PRKACB: variants seen among roughly 807,000 people sequenced by gnomAD.
PRKACB encodes the protein protein kinase cAMP-activated catalytic subunit beta, also known as cAMP-dependent protein kinase catalytic subunit beta.
Under a neutral mutation model 51.4 loss-of-function variants are expected in PRKACB, and 16 were observed. The ratio of observed to expected loss-of-function variants is 0.31; its 90% confidence interval spans 0.21 to 0.47. PRKACB has a LOEUF of 0.47. Ranked by LOEUF, PRKACB falls within the 20% of genes least tolerant of loss-of-function variation. The pLI, the probability that PRKACB is intolerant of heterozygous loss-of-function variation, is 1.00. For synonymous variants in PRKACB, 147 were observed against 154.4 expected, an observed-to-expected ratio of 0.95 and a Z score of 0.35; for missense variants, 309 against 464.5, an observed-to-expected ratio of 0.67 and a Z score of 3.08.
chr1:84,235,575 T>G lies in PRKACB; in HGVS notation c.*270T>G. ...TGTCTTTCTCCTCTCCTATATCCAT[T>G]TCTTCCTTTTCCAATTTCATTGGTT... On this transcript the variant is annotated 3_prime_UTR_variant, in exon 10 of 10. Transcript: ENST00000370685. 3.2e-6 allele frequency: 1 copy of G among 313,802 alleles called. No individual in the cohort carries two copies. The highest frequency in any genetic ancestry group is 5.8e-6 in the Non-Finnish European group (1 of 171,410). 19.4% of individuals were successfully genotyped at this position (313,802 alleles called of 1,614,324 possible).
intron 1 of PRKACB, chr1:84,085,764 G>A (rs1347825837): frequency 3.2e-6 from 1 of 311,502 alleles, no homozygotes; most frequent in Non-Finnish European, 6.0e-6. Flanking sequence ...TTTTCCTGAG[G>A]AGGTTCCTGG....
intron 1 of PRKACB, among the ~76,000 whole-genome samples, chr1:84,135,319 A>T (rs920383534): frequency 6.6e-6 from 1 of 152,208 alleles, no homozygotes; most frequent in South Asian, 2.1e-4. Flanking sequence ...AGCCAACTCC[A>T]CTATTATAGT....
chr1:84,142,728 G>A (rs1342925710), upstream of PRKACB, among the ~76,000 whole-genome samples: 1 of 152,038 alleles, frequency 6.6e-6, no homozygotes, highest in Non-Finnish European at 1.5e-5. Context: ...TTATCTTATA[G>A]ATACTGTTAC....
At chr1:84,092,038 G>A (rs974490207) in intron 1 of PRKACB, among the ~76,000 whole-genome samples, 1 of 152,120 alleles carries the variant, frequency 6.6e-6, no homozygotes, top group African/African-American at 2.4e-5. Flanking sequence ...ATAATATTCT[G>A]TGTAGTAGAA....
At chr1:84,084,149 C>T (rs1647776883) in intron 1 of PRKACB, among the ~76,000 whole-genome samples, 1 of 152,120 alleles carries the variant, frequency 6.6e-6, no homozygotes, top group Non-Finnish European at 1.5e-5. Context: ...TGAACCATGA[C>T]TTGAGCATTG....
chr1:84,110,001 C>T (rs1650086156), intron 1 of PRKACB, among the ~76,000 whole-genome samples: 1 of 151,780 alleles, frequency 6.6e-6, no homozygotes, highest in Non-Finnish European at 1.5e-5. Context: ...AAAAGGCCTA[C>T]TCATACTTTC....
At chr1:84,208,040 G>A (rs761948921) in intron 8 of PRKACB, among the ~76,000 whole-genome samples, 1 of 151,992 alleles carries the variant, frequency 6.6e-6, no homozygotes, top group Non-Finnish European at 1.5e-5. Flanking sequence ...GCTAATTTTT[G>A]TGTTTTTAGT....
intron 1 of PRKACB, among the ~76,000 whole-genome samples, chr1:84,119,566 A>G (rs1215429348): frequency 1.3e-5 from 2 of 152,086 alleles, no homozygotes; most frequent in African/African-American, 4.8e-5. Flanking sequence ...GAGATCTAAA[A>G]ATCCATCAGC....
chr1:84,139,991 C>T (rs1038032608), upstream of PRKACB, among the ~76,000 whole-genome samples: 5 of 151,906 alleles, frequency 3.3e-5, no homozygotes, highest in African/African-American at 7.2e-5. Context: ...ACCCAGGAGG[C>T]GGAGGTTGCA....
At chr1:84,202,353 C>G (rs1670376910) in intron 7 of PRKACB, among the ~76,000 whole-genome samples, 1 of 151,952 alleles carries the variant, frequency 6.6e-6, no homozygotes, top group South Asian at 2.1e-4. Flanking sequence ...GTAATGTGGT[C>G]TAACTGCCTT....
chr1:84,104,731 C>T (rs1435185446), intron 1 of PRKACB, among the ~76,000 whole-genome samples: 1 of 152,032 alleles, frequency 6.6e-6, no homozygotes, highest in East Asian at 1.9e-4. Flanking sequence ...TTTCATATAC[C>T]TGTGGCCATT....
At chr1:84,140,024 C>T (rs576411331), upstream of PRKACB, among the ~76,000 whole-genome samples, 6 of 152,096 alleles carry the variant, frequency 3.9e-5, no homozygotes, top group East Asian at 1.2e-3. Flanking sequence ...GACACCACTG[C>T]ACTCCAGCCT....
intron 5 of PRKACB, among the ~76,000 whole-genome samples, chr1:84,194,681 T>A (rs1025298318): frequency 6.6e-6 from 1 of 152,162 alleles, no homozygotes; most frequent in African/African-American, 2.4e-5. Flanking sequence ...ATCCCAGGAC[T>A]TTTGGAGGCT....
intron 1 of PRKACB, among the ~76,000 whole-genome samples, chr1:84,119,148 G>A (rs1170779229): frequency 6.6e-6 from 1 of 152,016 alleles, no homozygotes; most frequent in African/African-American, 2.4e-5. Context: ...CTTACAGTAT[G>A]AATATGATTT....
At chr1:84,119,698 G>A (rs1289154157) in intron 1 of PRKACB, among the ~76,000 whole-genome samples, 2 of 151,968 alleles carry the variant, frequency 1.3e-5, no homozygotes, top group African/African-American at 4.8e-5. Context: ...AAATTCCTGG[G>A]GAAAGGCAAG....
chr1:84,207,986 G>T (rs547207473), intron 8 of PRKACB, among the ~76,000 whole-genome samples: 1 of 152,098 alleles, frequency 6.6e-6, no homozygotes, highest in Non-Finnish European at 1.5e-5. Flanking sequence ...TCCTGCCTCA[G>T]CCTCCTGAGT....
chr1:84,130,754 A>G (rs1303130262), intron 1 of PRKACB, among the ~76,000 whole-genome samples: 2 of 152,252 alleles, frequency 1.3e-5, no homozygotes, highest in African/African-American at 2.4e-5. Flanking sequence ...ATCAACAGCA[A>G]TGCTGCTTTA....
chr1:84,154,829 CTT>C (rs1384792543), intron 1 of PRKACB, among the ~76,000 whole-genome samples: 1 of 152,050 alleles, frequency 6.6e-6, no homozygotes, highest in Non-Finnish European at 1.5e-5. Flanking sequence ...ATTTGAGAAA[CTT>C]TAACATTCTT....
chr1:84,080,333 T>C (rs1162539081), intron 1 of PRKACB, among the ~76,000 whole-genome samples: 3 of 152,234 alleles, frequency 2.0e-5, no homozygotes, highest in Non-Finnish European at 4.4e-5. Flanking sequence ...ATGGAAACTT[T>C]AAATGTTTAT....
Sources: gnomAD v4.1 joint callset for allele counts (sites outside exome capture counted in the v4.1 genomes callset) on GRCh38, gnomAD v4.1.1 for gene constraint, MANE v1.5 for transcripts, NCBI Gene and HGNC (gene_info 2026-07-23, HGNC 2026-07-21) for gene names.